Variants in DNAJC9 observed in about 807,000 individuals in gnomAD.
DNAJC9 encodes DnaJ heat shock protein family (Hsp40) member C9, also known as dnaJ homolog subfamily C member 9.
A neutral mutation model predicts 32.4 loss-of-function variants in DNAJC9; 18 were observed. The ratio of observed to expected loss-of-function variants is 0.56; its 90% CI spans 0.38 to 0.82. The LOEUF is 0.82. Among genes scored for constraint, DNAJC9 ranks in the 40% least tolerant of loss-of-function variants. The pLI, the probability that DNAJC9 is intolerant of heterozygous loss-of-function variation, is 0.00. For synonymous variants in DNAJC9, 113 were observed against 122.1 expected, an observed-to-expected ratio of 0.93 and a Z score of 0.49; for missense variants, 310 against 321.8, an observed-to-expected ratio of 0.96 and a Z score of 0.28.
At chr10:73,235,552 T>A, downstream of DNAJC9, 4 of 893,628 alleles carry the variant, frequency 4.5e-6, no homozygotes, top group Non-Finnish European at 6.3e-6. Flanking sequence ...ATTTAACACT[T>A]AAGATATGTC....
At chr10:73,245,512 G>A (rs914920692) in intron 3 of DNAJC9, among the ~76,000 whole-genome samples, 6 of 151,622 alleles carry the variant, frequency 4.0e-5, no homozygotes, top group African/African-American at 1.5e-4. Flanking sequence ...TCGGGGCAAA[G>A]GCCCAAACAT....
Position 73,242,273 on chromosome 10 carries a change from A to G in DNAJC9, c.*1127T>C, listed in dbSNP as rs555737869. 15 of 152,330 alleles carry G rather than the reference A, an allele frequency of 9.8e-5. No individual in the cohort carries two copies. The highest frequency in any genetic ancestry group is 2.9e-4 in the African/African-American group (12 of 41,574). 9.4% of individuals were successfully genotyped at this position (152,330 alleles called of 1,614,324 possible). The stretch of plus-strand genomic sequence containing the variant: ...GTATATTTAATAGTCTACAAATCAA[A>G]GATTTAAACAGTCCCTTAAAAATTC... On this transcript the variant is annotated 3_prime_UTR_variant, in exon 5 of 5. Transcript: ENST00000372950.
At chr10:73,246,979 C>G in intron 1 of DNAJC9, 31 bp downstream of exon 1, 1 of 1,548,978 alleles carries the variant, frequency 6.5e-7, no homozygotes, top group South Asian at 1.2e-5. Flanking sequence ...GCCCGCGCAG[C>G]CGGTCGGCTT....
downstream of DNAJC9, chr10:73,241,201 G>C: frequency 1.8e-6 from 1 of 568,842 alleles, no homozygotes; most frequent in Non-Finnish European, 3.2e-6. Context: ...CATGAGTGTT[G>C]TTTCTATCTC....
At chr10:73,234,717 T>C (rs971688342), downstream of DNAJC9, 5 of 1,322,528 alleles carry the variant, frequency 3.8e-6, no homozygotes, top group Non-Finnish European at 5.2e-6. Flanking sequence ...TCTGTGCACA[T>C]TAAACTCATC....
chr10:73,245,149 C>G lies in DNAJC9; in HGVS notation c.576+773G>C, dbSNP rs2043991887. ...CTCAAGCTCACCAGAAAGGGTGCAG[C>G]CTCTTATCTAGGCAAAACAGGCCCT... On this transcript the variant is annotated intron_variant, in intron 3 of 4. Coordinates refer to ENST00000372950, the MANE Select transcript of DNAJC9 (RefSeq NM_015190.5). Among the ~76,000 whole-genome samples the G allele has an allele frequency of 6.6e-5, 10 of 152,132 alleles. 1 individual carries two copies. The highest frequency in any genetic ancestry group is 6.6e-4 in the Admixed American group (10 of 15,266).
chr10:73,234,439 T>C (rs991790854), downstream of DNAJC9: 50 of 201,910 alleles, frequency 2.5e-4, 1 homozygote, highest in Admixed American at 2.6e-3. Flanking sequence ...CCGAGAACTA[T>C]AGTTATTAGG....
downstream of DNAJC9, chr10:73,239,042 C>T: frequency 3.0e-6 from 1 of 337,050 alleles, no homozygotes; most frequent in Non-Finnish European, 5.4e-6. Flanking sequence ...AATATTAAAC[C>T]ATATGGATTA....
In DNAJC9 at chr10:73,246,156, T is replaced by A. The variant is rs1383958539; in HGVS notation, c.342A>T (p.Gln114His). 1.9e-6 allele frequency: 3 copies of A among 1,612,636 alleles called. No individual in the cohort carries two copies. The highest frequency in any genetic ancestry group is 1.3e-5 in the African/African-American group (1 of 74,862). The change falls in exon 3 of 5, where the codon CAA becomes CAT. Residue 114 changes from glutamine to histidine, a missense_variant. Gln to His is a conservative substitution (Grantham distance 24). Transcript: ENST00000372950. ...AACCTTTGTATGTCTTTTCAAAAGC[T>A]TGAATGTCCTCTAAAGATATCTGAT... ...LFKKISLEDI[Q>H]AFEKTYKGSE...
downstream of DNAJC9, chr10:73,241,480 G>A (rs1174816748): frequency 1.2e-5 from 2 of 169,670 alleles, no homozygotes; most frequent in Non-Finnish European, 2.6e-5. Context: ...TTGAAAATCT[G>A]ACCTCATCAA....
downstream of DNAJC9, among the ~76,000 whole-genome samples, chr10:73,238,214 G>A (rs1423765571): frequency 6.6e-6 from 1 of 152,120 alleles, no homozygotes. Context: ...AGGCATGGTG[G>A]TGCATGCCTG....
chr10:73,246,864 C>T, intron 1 of DNAJC9, 36 bp from the exon 2 acceptor site: 1 of 1,610,980 alleles, frequency 6.2e-7, no homozygotes, highest in Non-Finnish European at 8.5e-7. Flanking sequence ...CACCCCTGCT[C>T]CTCCCACCGA....
downstream of DNAJC9, among the ~76,000 whole-genome samples, chr10:73,240,472 G>A (rs954568296): frequency 2.0e-5 from 3 of 152,098 alleles, no homozygotes; most frequent in East Asian, 1.9e-4. Flanking sequence ...CAGCACTTTC[G>A]GAGGCCAAGG....
At chr10:73,232,588 C>T (rs1335580261) in intron 2 of DNAJC9, among the ~76,000 whole-genome samples, 3 of 152,174 alleles carry the variant, frequency 2.0e-5, no homozygotes, top group East Asian at 1.9e-4. Flanking sequence ...AGGAATCAGC[C>T]CCTGTGGCAA....
chr10:73,233,735 T>C (rs1299611839), intron 2 of DNAJC9, among the ~76,000 whole-genome samples: 1 of 152,260 alleles, frequency 6.6e-6, no homozygotes, highest in African/African-American at 2.4e-5. Context: ...TTGGCTAGAA[T>C]ACTATATTGG....
downstream of DNAJC9, among the ~76,000 whole-genome samples, chr10:73,240,434 TG>T (rs1564720452): frequency 6.6e-6 from 1 of 152,178 alleles, no homozygotes; most frequent in Admixed American, 6.5e-5. Context: ...TATAACTGGC[TG>T]GGCGTGGTGG....
At position 73,246,013 on chromosome 10, in the gene DNAJC9, A is replaced by G. The variant is rs776634087; in HGVS notation, c.485T>C (p.Ile162Thr). Residue 162 changes from isoleucine (I) to threonine (T), a missense_variant, in exon 3 of 5, where the codon ATC becomes ACC. Physicochemically the swap from Ile to Thr is moderately conservative, Grantham distance 89 (BLOSUM62 -1). Coordinates refer to ENST00000372950, the MANE Select transcript of DNAJC9 (RefSeq NM_015190.5). Reference protein sequence around the residue: ...QYTEEPRIRNIIQQAIDAGEV... With the variant: ...QYTEEPRIRNTIQQAIDAGEV... ...TCCGGCGTCAATAGCTTGCTGAATGATATTCCTTATCCTGGGTTCCTCTGT... is the reference window on the plus strand; with the variant it reads ...TCCGGCGTCAATAGCTTGCTGAATGGTATTCCTTATCCTGGGTTCCTCTGT... The G allele has an allele frequency of 1.4e-5, 23 of 1,613,678 alleles. 1 individual carries two copies. In the South Asian group the frequency reaches 2.5e-4, roughly 18 times the overall value.
downstream of DNAJC9, chr10:73,240,836 C>T (rs573465038): frequency 3.7e-4 from 254 of 685,304 alleles, 3 homozygotes; most frequent in South Asian, 4.0e-3. Flanking sequence ...TGCTTTCATA[C>T]CTTAAGAAAG....
rs1429177963 is a variant in DNAJC9 at position 73,246,228 on chromosome 10, A to G, written c.322-52T>C. On this transcript the variant is annotated intron_variant, in intron 2 of 4. Transcript: ENST00000372950. ...CTTTGGGAATTTTACTTTAAATAAA[A>G]CGTACGTTAGTAAAACTAGAGTTGG... 8.3e-6 allele frequency: 13 copies of G among 1,570,792 alleles called. No homozygotes were observed. The Middle Eastern group carries it at 6.8e-4, about 82-fold the overall frequency.
Sources: gnomAD v4.1 joint callset for allele counts (sites outside exome capture counted in the v4.1 genomes callset) on GRCh38, gnomAD v4.1.1 for gene constraint, MANE v1.5 for transcripts, NCBI Gene and HGNC (gene_info 2026-07-23, HGNC 2026-07-21) for gene names.